Variants in RBFOX1 observed in about 807,000 individuals in gnomAD.
RBFOX1 encodes RNA binding protein fox-1 homolog 1.
RBFOX1 carries 8 observed loss-of-function variants against 57.7 expected under a neutral mutation model. That is an observed-to-expected ratio of 0.14 (90% CI 0.08 to 0.25). The LOEUF is 0.25. RBFOX1 is among the 10% of genes least tolerant of loss of function. The probability of loss-of-function intolerance (pLI) is 1.00; values close to 1 mark genes in which losing one functional copy is unlikely to be tolerated. For missense variants in RBFOX1, 611 were observed against 548.5 expected (o/e 1.11, Z -1.14); for synonymous variants, 326 against 222.4 (o/e 1.47, Z -4.15).
chr16:7,299,017 T>C (rs1044151213), intron 4 of RBFOX1, among the ~76,000 whole-genome samples: 2 of 152,208 alleles, frequency 1.3e-5, no homozygotes, highest in African/African-American at 4.8e-5. Context: ...TTATGTATCA[T>C]GTATCTACCT....
At chr16:6,471,816 G>C (rs951409075) in intron 2 of RBFOX1, among the ~76,000 whole-genome samples, 9 of 152,176 alleles carry the variant, frequency 5.9e-5, no homozygotes, top group African/African-American at 2.2e-4. Flanking sequence ...TGTGTCTGGA[G>C]ATTCTAGCAG....
intron 4 of RBFOX1, among the ~76,000 whole-genome samples, chr16:7,152,721 T>C (rs1047454251): frequency 1.3e-5 from 2 of 152,204 alleles, no homozygotes; most frequent in African/African-American, 4.8e-5. Flanking sequence ...GTCCTGGTTA[T>C]CTTGACTCCT....
intron 4 of RBFOX1, among the ~76,000 whole-genome samples, chr16:7,393,438 G>C (rs182777972): frequency 2.0e-5 from 3 of 152,246 alleles, no homozygotes; most frequent in Admixed American, 6.5e-5. Flanking sequence ...CACACTTATA[G>C]GAGCACACTT....
intron 2 of RBFOX1, among the ~76,000 whole-genome samples, chr16:5,504,277 C>G (rs1204199594): frequency 6.6e-6 from 1 of 152,232 alleles, no homozygotes; most frequent in African/African-American, 2.4e-5. Flanking sequence ...CAGGCCGCCT[C>G]CCAGGACCCA....
intron 3 of RBFOX1, among the ~76,000 whole-genome samples, chr16:6,820,414 T>C (rs2091064535): frequency 6.6e-6 from 1 of 152,122 alleles, no homozygotes; most frequent in Admixed American, 6.6e-5. Context: ...CCCAGCATTT[T>C]GGGAGGCTGG....
intron 4 of RBFOX1, among the ~76,000 whole-genome samples, chr16:7,515,058 G>A (rs564502970): frequency 2.2e-4 from 34 of 152,190 alleles, no homozygotes; most frequent in African/African-American, 7.2e-4. Context: ...GAAGGTTGGG[G>A]AGGCAGAAAC....
intron 4 of RBFOX1, among the ~76,000 whole-genome samples, chr16:7,133,634 C>A (rs533796660): frequency 6.6e-6 from 1 of 152,060 alleles, no homozygotes; most frequent in African/African-American, 2.4e-5. Context: ...ATGAAAGTAA[C>A]CTTGTAGAGC....
At chr16:5,984,976 A>ATTT (rs869160414) in intron 4 of RBFOX1, among the ~76,000 whole-genome samples, 4 of 55,712 alleles carry the variant, frequency 7.2e-5, no homozygotes, top group Non-Finnish European at 9.0e-5. Flanking sequence ...ATATATATAT[A>ATTT]TTTTTTTTTT....
chr16:7,693,745 T>G (rs917543), intron 14 of RBFOX1, among the ~76,000 whole-genome samples: 40,555 of 152,022 alleles, frequency 0.27, 5,937 homozygotes, highest in Non-Finnish European at 0.34. Flanking sequence ...TCTGGGTTCA[T>G]AGAGACTGAT....
intron 4 of RBFOX1, among the ~76,000 whole-genome samples, chr16:7,266,276 G>T (rs2095138261): frequency 6.6e-6 from 1 of 151,718 alleles, no homozygotes; most frequent in Non-Finnish European, 1.5e-5. Context: ...TGCCCGGCCG[G>T]TAGAGATGTG....
intron 14 of RBFOX1, among the ~76,000 whole-genome samples, chr16:7,678,968 C>G (rs974158116): frequency 6.6e-6 from 1 of 152,128 alleles, no homozygotes; most frequent in Admixed American, 6.6e-5. Context: ...TAATTGGCCT[C>G]TTGTTGTTCA....
chr16:6,515,929 G>T (rs149682153), intron 2 of RBFOX1, among the ~76,000 whole-genome samples: 4 of 152,144 alleles, frequency 2.6e-5, no homozygotes, highest in Admixed American at 1.3e-4. Flanking sequence ...GAATGAGTCT[G>T]TGAAACCTGT....
intron 5 of RBFOX1, among the ~76,000 whole-genome samples, chr16:7,528,345 G>C (rs552180550): frequency 7.9e-5 from 12 of 152,204 alleles, no homozygotes; most frequent in African/African-American, 2.6e-4. Context: ...CTTTATTTTT[G>C]GTTAGGTCCT....
intron 3 of RBFOX1, among the ~76,000 whole-genome samples, chr16:5,703,208 G>A (rs544484981): frequency 6.6e-6 from 1 of 152,172 alleles, no homozygotes; most frequent in Non-Finnish European, 1.5e-5. Context: ...GATACTTTGA[G>A]GTATTACAGG....
chr16:6,358,449 T>G (rs1432011400), intron 2 of RBFOX1, among the ~76,000 whole-genome samples: 2 of 152,228 alleles, frequency 1.3e-5, no homozygotes, highest in Non-Finnish European at 2.9e-5. Context: ...TAATTGTCAT[T>G]GAGAGGGCTT....
At chr16:7,415,041 A>G (rs377609402) in intron 4 of RBFOX1, among the ~76,000 whole-genome samples, 10 of 152,228 alleles carry the variant, frequency 6.6e-5, no homozygotes, top group East Asian at 5.8e-4. Flanking sequence ...GGCTCTTTCT[A>G]TACTCTACAG....
intron 4 of RBFOX1, among the ~76,000 whole-genome samples, chr16:7,092,308 G>A (rs2151140314): frequency 6.6e-6 from 1 of 152,292 alleles, no homozygotes; most frequent in Non-Finnish European, 1.5e-5. Flanking sequence ...TGTATCAATT[G>A]TAAAACACAT....
In RBFOX1 at chr16:6,273,337, T is replaced by G. The variant is rs540527153; in HGVS notation, c.-126-43658T>G. The stretch of plus-strand genomic sequence containing the variant: ...AAGCTAGGCAAAGAGTTTGTTGTTG[T>G]TGGTTTTTTTTTTTTTTTTTTTTTT... On this transcript the variant is annotated intron_variant, in intron 1 of 15. Transcript: ENST00000550418. Among the ~76,000 whole-genome samples, 624 of 146,560 alleles carry G rather than the reference T, an allele frequency of 4.3e-3. 1 individual carries two copies. The highest frequency in any genetic ancestry group is 0.015 in the South Asian group (68 of 4,582).
chr16:7,056,880 G>A (rs2052477560), intron 4 of RBFOX1, among the ~76,000 whole-genome samples: 1 of 152,164 alleles, frequency 6.6e-6, no homozygotes, highest in Admixed American at 6.5e-5. Flanking sequence ...AGGGTGGTTA[G>A]GGCTGGTGAA....
Sources: allele counts gnomAD v4.1 joint callset (sites outside exome capture counted in the v4.1 genomes callset), GRCh38; gene constraint gnomAD v4.1.1; transcripts MANE v1.5; gene names NCBI Gene and HGNC (gene_info 2026-07-23, HGNC 2026-07-21).